SNX29: variants seen among roughly 807,000 people sequenced by gnomAD.
The protein encoded by SNX29 is sorting nexin-29.
In SNX29, 78 loss-of-function variants were observed where a neutral mutation model predicts 102.1. The ratio of observed to expected loss-of-function variants is 0.76; its 90% confidence interval spans 0.64 to 0.92. The LOEUF (loss-of-function observed/expected upper bound fraction) is 0.92. Among genes scored for constraint, SNX29 ranks in the 40% least tolerant of loss-of-function variants. The pLI is 0.00. For missense variants in SNX29, 1,280 were observed against 1,061.7 expected (o/e 1.21, Z -2.86); for synonymous variants, 580 against 414.5 (o/e 1.40, Z -4.85).
intron 15 of SNX29, among the ~76,000 whole-genome samples, chr16:12,291,541 C>T (rs536062217): frequency 7.2e-5 from 11 of 152,320 alleles, no homozygotes; most frequent in African/African-American, 2.4e-4. Context: ...AGTAGGTTTT[C>T]CTCCTCAGGG....
intron 15 of SNX29, among the ~76,000 whole-genome samples, chr16:12,330,758 A>C (rs920938310): frequency 1.3e-5 from 2 of 152,138 alleles, no homozygotes; most frequent in Admixed American, 6.5e-5. Flanking sequence ...AAATCACTTC[A>C]GATATTTTTA....
intron 14 of SNX29, among the ~76,000 whole-genome samples, chr16:12,267,053 C>T (rs1004567388): frequency 1.3e-5 from 2 of 152,172 alleles, no homozygotes; most frequent in African/African-American, 2.4e-5. Flanking sequence ...AGCCACTCTG[C>T]GCAGCCCAGT....
intron 18 of SNX29, among the ~76,000 whole-genome samples, chr16:12,430,371 G>T (rs1035151121): frequency 6.6e-6 from 1 of 152,234 alleles, no homozygotes; most frequent in South Asian, 2.1e-4. Context: ...TCCCGGCCTT[G>T]TGGGGGACAC....
rs74009108 is a variant in SNX29, at chr16:12,506,325, G to T, written c.2179-18377G>T. Among the ~76,000 whole-genome samples, 655 of 152,302 alleles carry T rather than the reference G, an allele frequency of 4.3e-3. 7 individuals carry two copies. The highest frequency in any genetic ancestry group is 0.015 in the African/African-American group (639 of 41,552). On this transcript the variant is annotated intron_variant, in intron 19 of 20. Coordinates refer to ENST00000566228, the MANE Select transcript of SNX29 (RefSeq NM_032167.5). ...GACAACACCCTAAAAAAAAAGCTGGGCTTGAATCCTGCGCCTGTCCCTGTA... is the reference window on the plus strand; with the variant it reads ...GACAACACCCTAAAAAAAAAGCTGGTCTTGAATCCTGCGCCTGTCCCTGTA...
chr16:12,368,871 T>G (rs4781215), intron 16 of SNX29, among the ~76,000 whole-genome samples: 133,433 of 152,258 alleles, frequency 0.88, 58,648 homozygotes, highest in Middle Eastern at 0.96. Flanking sequence ...TTACCACCCA[T>G]TCCTTCTTGA....
chr16:12,268,915 T>C (rs1462151406), intron 14 of SNX29, among the ~76,000 whole-genome samples: 2 of 152,116 alleles, frequency 1.3e-5, no homozygotes, highest in Non-Finnish European at 2.9e-5. Context: ...TTTCTACCTA[T>C]TTTAGACGAC....
chr16:12,286,734 G>A (rs868277559), intron 15 of SNX29, among the ~76,000 whole-genome samples: 1 of 152,062 alleles, frequency 6.6e-6, no homozygotes, highest in South Asian at 2.1e-4. Flanking sequence ...CCCATCACCT[G>A]GCTGTAGCTG....
At chr16:12,567,235 C>T (rs1373507987) in intron 20 of SNX29, among the ~76,000 whole-genome samples, 1 of 152,054 alleles carries the variant, frequency 6.6e-6, no homozygotes, top group Non-Finnish European at 1.5e-5. Context: ...GCAGAGCTAG[C>T]TGTGGACACA....
chr16:12,369,910 C>G (rs969540987), intron 16 of SNX29, among the ~76,000 whole-genome samples: 6 of 152,154 alleles, frequency 3.9e-5, no homozygotes, highest in Non-Finnish European at 8.8e-5. Flanking sequence ...ACGATTTCTT[C>G]TTATTTGAAA....
At chr16:12,423,366 C>A (rs1277116032) in intron 18 of SNX29, among the ~76,000 whole-genome samples, 1 of 152,092 alleles carries the variant, frequency 6.6e-6, no homozygotes, top group Non-Finnish European at 1.5e-5. Flanking sequence ...GGATGAACAT[C>A]GGGCATGAGC....
intron 16 of SNX29, among the ~76,000 whole-genome samples, chr16:12,363,365 T>G (rs926898677): frequency 1.3e-5 from 2 of 152,190 alleles, no homozygotes; most frequent in Admixed American, 1.3e-4. Flanking sequence ...CCTCTTCCTT[T>G]CCATGGGGCC....
At chr16:12,454,805 T>TGCCTCCCAGGTTCAGGCACTTCTGCCTCA (rs1247703543) in intron 18 of SNX29, among the ~76,000 whole-genome samples, 12 of 152,118 alleles carry the variant, frequency 7.9e-5, no homozygotes, top group Non-Finnish European at 1.3e-4. Flanking sequence ...CTGCAACCTC[T>TGCCTCCCAGGTTCAGGCACTTCTGCCTCA]GCCTCCCAGG....
intron 15 of SNX29, among the ~76,000 whole-genome samples, chr16:12,309,191 G>C (rs1353063338): frequency 2.0e-5 from 3 of 152,138 alleles, no homozygotes; most frequent in African/African-American, 7.2e-5. Context: ...CTGCAATCAG[G>C]GTCTGTTTGA....
At chr16:12,558,554 T>C (rs1179882098) in intron 20 of SNX29, among the ~76,000 whole-genome samples, 1 of 152,238 alleles carries the variant, frequency 6.6e-6, no homozygotes, top group Non-Finnish European at 1.5e-5. Flanking sequence ...GCCATGCCTC[T>C]CAGTACCCCG....
intron 14 of SNX29, among the ~76,000 whole-genome samples, chr16:12,243,709 G>C (rs1042415510): frequency 1.3e-5 from 2 of 152,092 alleles, no homozygotes; most frequent in African/African-American, 4.8e-5. Flanking sequence ...GACATCAGAG[G>C]CTGGATTGCA....
chr16:12,563,778 C>T (rs574294957), intron 20 of SNX29, among the ~76,000 whole-genome samples: 25 of 152,316 alleles, frequency 1.6e-4, no homozygotes, highest in African/African-American at 6.0e-4. Context: ...TGTCTGCCGA[C>T]CTGTCTGAAG....
At chr16:12,531,933 G>A (rs557055090) in intron 20 of SNX29, among the ~76,000 whole-genome samples, 8 of 152,262 alleles carry the variant, frequency 5.3e-5, no homozygotes, top group South Asian at 4.2e-4. Context: ...TCAAGAGGTC[G>A]GAGAGTGTGT....
chr16:12,185,426 C>T (rs1434358602), intron 13 of SNX29, among the ~76,000 whole-genome samples: 1 of 152,114 alleles, frequency 6.6e-6, no homozygotes, highest in East Asian at 1.9e-4. Flanking sequence ...ATTATTTGCA[C>T]AGAATTTAAA....
At chr16:12,303,154 C>T (rs1036993015) in intron 15 of SNX29, among the ~76,000 whole-genome samples, 3 of 152,052 alleles carry the variant, frequency 2.0e-5, no homozygotes, top group South Asian at 2.1e-4. Context: ...GACTGGCAGT[C>T]GATAGAGGTA....
Sources: gnomAD v4.1 joint callset for allele counts (sites outside exome capture counted in the v4.1 genomes callset) on GRCh38, gnomAD v4.1.1 for gene constraint, MANE v1.5 for transcripts, NCBI Gene and HGNC (gene_info 2026-07-23, HGNC 2026-07-21) for gene names.